HEPACAM2: variants seen among roughly 807,000 people sequenced by gnomAD.
HEPACAM2 encodes mitotic kinetics regulator.
In HEPACAM2, 49 loss-of-function variants were observed where a neutral mutation model predicts 49.6. The observed-to-expected ratio is 0.99, with a 90% CI of 0.78 to 1.25. HEPACAM2 has a LOEUF of 1.25. HEPACAM2 is among the 50% of genes most tolerant of loss of function. HEPACAM2 has a pLI of 0.00. For synonymous variants in HEPACAM2, 197 were observed against 202.9 expected (o/e 0.97, Z 0.25); for missense variants, 525 against 557.2 (o/e 0.94, Z 0.58).
Position 93,208,583 on chromosome 7 carries a change from C to G in HEPACAM2, c.1009G>C (p.Val337Leu), listed in dbSNP as rs146472168. 1 of 1,611,364 alleles carries G rather than the reference C, an allele frequency of 6.2e-7. No homozygotes were observed. Among genetic ancestry groups the G allele is most frequent in the Admixed American group, 1.7e-5 (1 of 59,886 alleles). The change falls in exon 4 of 10, where the codon GTA (valine) becomes CTA (leucine). Residue 337 changes from valine to leucine, a missense_variant. Coordinates refer to ENST00000394468, the MANE Select transcript of HEPACAM2 (RefSeq NM_001039372.4). ...ETHFTVIITS[V>L]GLEKLAQKGK... ...CTTCCTTGTATGTCACACATACCTA[C>G]GGAAGTGATGATAACTGTGAAATGA...
At chr7:93,197,710 T>A in intron 4 of HEPACAM2, 100 bp from the exon 5 acceptor site, 1 of 798,648 alleles carries the variant, frequency 1.3e-6, no homozygotes, top group Non-Finnish European at 1.9e-6. Flanking sequence ...TTGAAAAAAA[T>A]ATATAAACAC....
chr7:93,226,413 C>T lies in HEPACAM2; in HGVS notation c.34G>A (p.Asp12Asn), dbSNP rs1273340330. The part of the protein sequence containing the change: ...GQDAFMEPFG[D>N]TLGVFQCKIY... The stretch of plus-strand genomic sequence containing the variant: ...TTGCACTGAAAGACCCCAAGTGTGT[C>T]ACCGAAGGGCTCCATGAAAGCATCC... Residue 12 changes from aspartate (D) to asparagine (N), a missense_variant, in exon 1 of 10, where the codon GAC becomes AAC. Physicochemically the swap from Asp to Asn is conservative, Grantham distance 23. Coordinates refer to ENST00000394468, the MANE Select transcript of HEPACAM2 (RefSeq NM_001039372.4). The T allele has an allele frequency of 6.2e-7, 1 of 1,613,558 alleles. No homozygotes were observed. Among genetic ancestry groups the T allele is most frequent in the South Asian group, 1.1e-5 (1 of 91,060 alleles).
At chr7:93,220,649 G>T (rs1313590957) in intron 1 of HEPACAM2, among the ~76,000 whole-genome samples, 2 of 152,180 alleles carry the variant, frequency 1.3e-5, no homozygotes, top group African/African-American at 2.4e-5. Context: ...GGGCCTGAGA[G>T]GGCCTTGGGG....
chr7:93,211,123 C>G (rs1289371853), intron 3 of HEPACAM2, among the ~76,000 whole-genome samples: 1 of 151,944 alleles, frequency 6.6e-6, no homozygotes, highest in African/African-American at 2.4e-5. Flanking sequence ...TAAGCTATAA[C>G]AGAAAACGAA....
intron 8 of HEPACAM2, among the ~76,000 whole-genome samples, chr7:93,195,200 A>C (rs1184360705): frequency 6.6e-6 from 1 of 152,090 alleles, no homozygotes; most frequent in Non-Finnish European, 1.5e-5. Context: ...AGAATGACTT[A>C]AATTAGGGTC....
At chr7:93,226,524 T>C, upstream of HEPACAM2, 5 of 1,024,148 alleles carry the variant, frequency 4.9e-6, no homozygotes, top group South Asian at 6.4e-5. Flanking sequence ...AGCAGTGAGG[T>C]AACAGACCCT....
chr7:93,230,222 GT>G (rs1323377285), upstream of HEPACAM2, among the ~76,000 whole-genome samples: 2 of 152,140 alleles, frequency 1.3e-5, no homozygotes, highest in African/African-American at 4.8e-5. Context: ...TTAACTTTGT[GT>G]ATTTGAGTAT....
chr7:93,196,637 G>A (rs1192635664), intron 7 of HEPACAM2, among the ~76,000 whole-genome samples: 2 of 152,094 alleles, frequency 1.3e-5, no homozygotes, highest in East Asian at 1.9e-4. Context: ...AGAGGAAGTT[G>A]CGGTTAAGAA....
chr7:93,195,507 C>A (rs1212571894), intron 8 of HEPACAM2, among the ~76,000 whole-genome samples: 2 of 152,164 alleles, frequency 1.3e-5, no homozygotes, highest in Non-Finnish European at 2.9e-5. Context: ...ATGTGAGCCA[C>A]CACGCCCAGC....
At chr7:93,219,485 T>C (rs1201845235) in intron 1 of HEPACAM2, 34 bp from the exon 2 acceptor site, 2 of 1,612,076 alleles carry the variant, frequency 1.2e-6, no homozygotes, top group Non-Finnish European at 1.7e-6. Context: ...GTGAAGACCT[T>C]GAGCCACATT....
At chr7:93,218,354 G>A (rs560212657) in intron 2 of HEPACAM2, among the ~76,000 whole-genome samples, 2 of 152,054 alleles carry the variant, frequency 1.3e-5, no homozygotes, top group Non-Finnish European at 2.9e-5. Flanking sequence ...GCAGTACTGG[G>A]GGTGGTAAGT....
chr7:93,194,931 T>C (rs1793650436), intron 8 of HEPACAM2, among the ~76,000 whole-genome samples: 1 of 150,298 alleles, frequency 6.7e-6, no homozygotes, highest in Admixed American at 6.6e-5. Flanking sequence ...CTTTTTTTTT[T>C]TTTTTTTTCC....
chr7:93,221,140 A>C (rs1221615378), intron 1 of HEPACAM2, among the ~76,000 whole-genome samples: 3 of 152,078 alleles, frequency 2.0e-5, no homozygotes, highest in Admixed American at 1.3e-4. Context: ...GTTTTTTGCT[A>C]TTGGGAATGT....
intron 4 of HEPACAM2, among the ~76,000 whole-genome samples, chr7:93,206,531 C>G (rs1794034194): frequency 6.6e-6 from 1 of 151,988 alleles, no homozygotes; most frequent in South Asian, 2.1e-4. Flanking sequence ...TTATCTACTG[C>G]CCAAATGAAG....
intron 3 of HEPACAM2, among the ~76,000 whole-genome samples, chr7:93,210,708 C>G (rs1794157606): frequency 6.6e-6 from 1 of 151,732 alleles, no homozygotes; most frequent in African/African-American, 2.4e-5. Flanking sequence ...CAGTAATGGC[C>G]TAATCTTAAA....
chr7:93,203,048 C>G (rs943366886), intron 4 of HEPACAM2, among the ~76,000 whole-genome samples: 1 of 152,116 alleles, frequency 6.6e-6, no homozygotes, highest in Non-Finnish European at 1.5e-5. Flanking sequence ...GCCCTCTTGC[C>G]TCTTCCCTTG....
At chr7:93,197,211 G>A (rs374881783) in intron 7 of HEPACAM2, 30 bp downstream of exon 7, 24 of 1,577,330 alleles carry the variant, frequency 1.5e-5, no homozygotes, top group Non-Finnish European at 1.7e-5. Flanking sequence ...CATTAAAACT[G>A]ATAATAGCCC....
intron 9 of HEPACAM2, among the ~76,000 whole-genome samples, chr7:93,190,447 G>T (rs1793514306): frequency 6.6e-6 from 1 of 151,926 alleles, no homozygotes; most frequent in African/African-American, 2.4e-5. Flanking sequence ...GGAAGACAAA[G>T]ATCTACATAG....
chr7:93,194,919 A>AACTTTTTTTTTT (rs1793648355), intron 8 of HEPACAM2, among the ~76,000 whole-genome samples: 2 of 102,398 alleles, frequency 2.0e-5, no homozygotes, highest in Non-Finnish European at 3.6e-5. Context: ...ACTTTAAAAG[A>AACTTTTTTTTTT]TCTTTTTTTT....
Sources: gnomAD v4.1 joint callset for allele counts (sites outside exome capture counted in the v4.1 genomes callset) on GRCh38, gnomAD v4.1.1 for gene constraint, MANE v1.5 for transcripts, NCBI Gene and HGNC (gene_info 2026-07-23, HGNC 2026-07-21) for gene names.